C1orf21: variants seen among roughly 807,000 people sequenced by gnomAD.
The protein encoded by C1orf21 is chromosome 1 open reading frame 21.
A neutral mutation model predicts 18.7 loss-of-function variants in C1orf21; 3 were observed. The ratio of observed to expected loss-of-function variants is 0.16; its 90% CI spans 0.07 to 0.42. The LOEUF (loss-of-function observed/expected upper bound fraction) is 0.42. Ranked by LOEUF, C1orf21 falls within the 10% of genes least tolerant of loss-of-function variation. C1orf21 has a pLI of 0.99. For missense variants in C1orf21, 104 were observed against 143.6 expected, an observed-to-expected ratio of 0.72 and a Z score of 1.41; for synonymous variants, 41 against 46.4, an observed-to-expected ratio of 0.88 and a Z score of 0.47.
At chr1:184,571,993 A>G (rs1659119740) in intron 3 of C1orf21, among the ~76,000 whole-genome samples, 1 of 152,218 alleles carries the variant, frequency 6.6e-6, no homozygotes, top group South Asian at 2.1e-4. Flanking sequence ...CAGCAATAAT[A>G]GTAATGGCTG....
chr1:184,497,844 A>G (rs182461517), intron 2 of C1orf21, among the ~76,000 whole-genome samples: 97 of 152,286 alleles, frequency 6.4e-4, no homozygotes, highest in African/African-American at 2.3e-3. Flanking sequence ...CTGAAAACCA[A>G]TTTAAATTTA....
At chr1:184,425,109 G>A (rs1326028281) in intron 1 of C1orf21, among the ~76,000 whole-genome samples, 1 of 152,146 alleles carries the variant, frequency 6.6e-6, no homozygotes. Flanking sequence ...GAATGTTTGG[G>A]TGTGACTTCT....
At chr1:184,592,587 C>A (rs1328621768) in intron 4 of C1orf21, among the ~76,000 whole-genome samples, 1 of 152,158 alleles carries the variant, frequency 6.6e-6, no homozygotes, top group East Asian at 1.9e-4. Context: ...GACAAATTTC[C>A]TGAGAGTACC....
chr1:184,494,551 G>C (rs575449657), intron 2 of C1orf21, among the ~76,000 whole-genome samples: 1 of 152,148 alleles, frequency 6.6e-6, no homozygotes, highest in South Asian at 2.1e-4. Context: ...AGATATGGGC[G>C]GGCTTGGGAT....
intron 3 of C1orf21, among the ~76,000 whole-genome samples, chr1:184,511,758 C>A (rs1036604320): frequency 9.2e-5 from 14 of 152,056 alleles, no homozygotes; most frequent in African/African-American, 3.4e-4. Flanking sequence ...AGGAAACTTA[C>A]AATCATGGTA....
At chr1:184,475,734 GGTGTGTGT>G (rs10553261) in intron 1 of C1orf21, among the ~76,000 whole-genome samples, 22,819 of 138,022 alleles carry the variant, frequency 0.17, 1,937 homozygotes, top group African/African-American at 0.23. Context: ...AATGGAATAG[GGTGTGTGT>G]GTGTGTGTGT....
At chr1:184,444,349 C>A (rs530082716) in intron 1 of C1orf21, among the ~76,000 whole-genome samples, 5 of 152,172 alleles carry the variant, frequency 3.3e-5, no homozygotes, top group African/African-American at 1.2e-4. Context: ...TAATTTGAAT[C>A]ATGGGGTCAG....
chr1:184,400,556 T>A (rs1159508427), intron 1 of C1orf21, among the ~76,000 whole-genome samples: 1 of 152,232 alleles, frequency 6.6e-6, no homozygotes, highest in Non-Finnish European at 1.5e-5. Flanking sequence ...CTCTGTACCA[T>A]GGGTAGAAAT....
chr1:184,478,315 C>T (rs1257613967), intron 2 of C1orf21, among the ~76,000 whole-genome samples: 1 of 152,050 alleles, frequency 6.6e-6, no homozygotes, highest in Non-Finnish European at 1.5e-5. Context: ...CTTTTAACCT[C>T]TCTCTGTTGA....
At chr1:184,423,585 A>G (rs1216435014) in intron 1 of C1orf21, among the ~76,000 whole-genome samples, 1 of 152,188 alleles carries the variant, frequency 6.6e-6, no homozygotes, top group African/African-American at 2.4e-5. Context: ...ATGAGGAAAT[A>G]AATATCACAT....
chr1:184,539,493 G>T (rs1220427304), intron 3 of C1orf21, among the ~76,000 whole-genome samples: 1 of 152,174 alleles, frequency 6.6e-6, no homozygotes, highest in East Asian at 1.9e-4. Context: ...TCAGGATAAT[G>T]CTGATCTTGT....
intron 1 of C1orf21, among the ~76,000 whole-genome samples, chr1:184,440,477 C>G (rs1254014039): frequency 4.0e-5 from 6 of 151,598 alleles, no homozygotes; most frequent in Non-Finnish European, 2.9e-5. Flanking sequence ...GTCTCAAACC[C>G]CTGACCTCAG....
intron 3 of C1orf21, among the ~76,000 whole-genome samples, chr1:184,522,652 A>G (rs557739037): frequency 6.6e-6 from 1 of 152,318 alleles, no homozygotes; most frequent in East Asian, 1.9e-4. Flanking sequence ...TACACTATTA[A>G]TCTAGTGGAG....
At chr1:184,591,493 A>C (rs1659435405) in intron 4 of C1orf21, among the ~76,000 whole-genome samples, 1 of 152,208 alleles carries the variant, frequency 6.6e-6, no homozygotes, top group Non-Finnish European at 1.5e-5. Flanking sequence ...AAAGCTCTTA[A>C]AGGTAAAACC....
rs1659925065 is a variant in C1orf21, at chr1:184,622,069, G to C, written c.*2513G>C. On this transcript the variant is annotated 3_prime_UTR_variant, in exon 6 of 6. Coordinates refer to ENST00000235307, the MANE Select transcript of C1orf21 (RefSeq NM_030806.4). Reference sequence around the variant, plus strand: ...TTTATTTTTTTGTGCCTTCTGAAAGGATCTAAAACAAAAATATTTTGCCTT... The same window carrying C: ...TTTATTTTTTTGTGCCTTCTGAAAGCATCTAAAACAAAAATATTTTGCCTT... The C allele has an allele frequency of 6.6e-6, 1 of 152,158 alleles. No individual in the cohort carries two copies. Among genetic ancestry groups the C allele is most frequent in the Non-Finnish European group, 1.5e-5 (1 of 68,010 alleles). 9.4% of individuals were successfully genotyped at this position (152,158 alleles called of 1,614,324 possible).
At chr1:184,563,500 A>G (rs1037239878) in intron 3 of C1orf21, among the ~76,000 whole-genome samples, 2 of 152,180 alleles carry the variant, frequency 1.3e-5, no homozygotes, top group Non-Finnish European at 2.9e-5. Flanking sequence ...AAAATTGTTC[A>G]ACAGCTCCCC....
rs1471419647 is a variant in C1orf21, at chr1:184,622,767, A to G, written c.*3211A>G. ...TGGGCTGGGATGACTCAACTTAGCA[A>G]AGACGGACCCAGGAGGAGTGCTGGT... On this transcript the variant is annotated 3_prime_UTR_variant, in exon 6 of 6. Coordinates refer to ENST00000235307, the MANE Select transcript of C1orf21 (RefSeq NM_030806.4). The G allele has an allele frequency of 6.6e-6, 1 of 152,422 alleles. No homozygotes were observed. Among genetic ancestry groups the G allele is most frequent in the Non-Finnish European group, 1.5e-5 (1 of 68,122 alleles). 9.4% of individuals were successfully genotyped at this position (152,422 alleles called of 1,614,324 possible). A position where few individuals can be genotyped will look rare whatever the true frequency, so the allele number is the denominator to read the frequency against.
At chr1:184,443,280 TG>T (rs1299819843) in intron 1 of C1orf21, among the ~76,000 whole-genome samples, 3 of 152,224 alleles carry the variant, frequency 2.0e-5, no homozygotes, top group African/African-American at 2.4e-5. Context: ...TAACATGTAA[TG>T]TAAGATCTCA....
intron 3 of C1orf21, among the ~76,000 whole-genome samples, chr1:184,579,801 G>A (rs189139813): frequency 7.9e-5 from 12 of 152,216 alleles, no homozygotes; most frequent in South Asian, 4.2e-4. Flanking sequence ...GAGCCACTGC[G>A]CCCAGCCCAA....
Sources: allele counts gnomAD v4.1 joint callset (sites outside exome capture counted in the v4.1 genomes callset), GRCh38; gene constraint gnomAD v4.1.1; transcripts MANE v1.5; gene names NCBI Gene and HGNC (gene_info 2026-07-23, HGNC 2026-07-21).